Variants in STAU1 observed in about 807,000 individuals in gnomAD.
The protein encoded by STAU1 is double-stranded RNA-binding protein Staufen homolog 1.
Under a neutral mutation model 62.9 loss-of-function variants are expected in STAU1, and 13 were observed. That is an observed-to-expected ratio of 0.21 (90% confidence interval 0.13 to 0.33). STAU1 has a LOEUF of 0.33. STAU1 is among the 10% of genes least tolerant of loss of function. The probability of loss-of-function intolerance (pLI) is 1.00; values close to 1 mark genes in which losing one functional copy is unlikely to be tolerated. For missense variants in STAU1, 571 were observed against 712.1 expected, an observed-to-expected ratio of 0.80 and a Z score of 2.25; for synonymous variants, 269 against 265.1, an observed-to-expected ratio of 1.01 and a Z score of -0.14.
At chr20:49,171,504 G>T (rs1050254714) in intron 2 of STAU1, among the ~76,000 whole-genome samples, 4 of 152,000 alleles carry the variant, frequency 2.6e-5, no homozygotes, top group African/African-American at 9.7e-5. Context: ...TTTCACCGTG[G>T]TCTCTATCTC....
intron 3 of STAU1, among the ~76,000 whole-genome samples, chr20:49,159,946 G>A (rs2093423539): frequency 6.6e-6 from 1 of 152,188 alleles, no homozygotes; most frequent in African/African-American, 2.4e-5. Flanking sequence ...TTTTGTGTGA[G>A]TGGTAAATAC....
chr20:49,158,061 C>T (rs1419565261), intron 3 of STAU1, among the ~76,000 whole-genome samples: 1 of 151,820 alleles, frequency 6.6e-6, no homozygotes, highest in Non-Finnish European at 1.5e-5. Flanking sequence ...GCGGGCAGAT[C>T]ACCTGAGGTC....
chr20:49,129,789 G>T (rs1311813644), intron 6 of STAU1, among the ~76,000 whole-genome samples: 2 of 151,518 alleles, frequency 1.3e-5, no homozygotes, highest in Admixed American at 1.3e-4. Flanking sequence ...CACATGCCTG[G>T]CTAATTTTTT....
chr20:49,141,126 A>G (rs2146104756), intron 5 of STAU1, among the ~76,000 whole-genome samples: 1 of 152,310 alleles, frequency 6.6e-6, no homozygotes, highest in South Asian at 2.1e-4. Flanking sequence ...CCCAATTTTC[A>G]ATGTTTTGTT....
intron 5 of STAU1, among the ~76,000 whole-genome samples, chr20:49,136,634 T>C (rs1049530432): frequency 3.3e-5 from 5 of 152,132 alleles, no homozygotes; most frequent in East Asian, 1.9e-4. Context: ...ATGTGGGACG[T>C]GGCAAATTCA....
At chr20:49,185,570 TAA>T (rs1426857392) in intron 1 of STAU1, among the ~76,000 whole-genome samples, 1 of 152,176 alleles carries the variant, frequency 6.6e-6, no homozygotes, top group African/African-American at 2.4e-5. Flanking sequence ...GGCAATCTGG[TAA>T]AAGTCAAAAT....
At chr20:49,122,313 G>A (rs1263750534) in intron 8 of STAU1, among the ~76,000 whole-genome samples, 2 of 152,130 alleles carry the variant, frequency 1.3e-5, no homozygotes, top group East Asian at 3.9e-4. Context: ...GAATTAGGAG[G>A]AAGAGGAACA....
At chr20:49,158,602 GA>G (rs1311597983) in intron 3 of STAU1, 1 of 941,672 alleles carries the variant, frequency 1.1e-6, no homozygotes, top group Non-Finnish European at 1.5e-6. Context: ...TTGAGGTCAG[GA>G]GTTCGAGACC....
chr20:49,124,575 T>C lies in STAU1; in HGVS notation c.622A>G (p.Ser208Gly). The change falls in exon 7 of 14, where the codon AGT becomes GGT. Residue 208 changes from serine to glycine, a missense_variant. This residue lies in a region of STAU1 where 414 missense variants were observed against 499.6 expected (regional missense o/e 0.83). Transcript: ENST00000371856. The stretch of plus-strand genomic sequence containing the variant: ...AAGTTCTTCATGTGGGGTGGGCCAC[T>C]CTCCCGGGCCACCTGTTTCAGAGGG... Reference protein sequence around the residue: ...LPVNFEVARESGPPHMKNFVT... With the variant: ...LPVNFEVAREGGPPHMKNFVT... 6.2e-7 allele frequency: 1 copy of C among 1,613,708 alleles called. No individual in the cohort carries two copies. The highest frequency in any genetic ancestry group is 8.5e-7 in the Non-Finnish European group (1 of 1,179,996).
chr20:49,195,557 AAAAAGAT>A, the STAU1 span, among the ~76,000 whole-genome samples: 259 of 140,892 alleles, frequency 1.8e-3, 19 homozygotes, highest in African/African-American at 6.3e-3. Flanking sequence ...AAAAAAAAAA[AAAAAGAT>A]AGCAACAGAC....
At chr20:49,160,282 T>A (rs944206366) in intron 3 of STAU1, among the ~76,000 whole-genome samples, 9 of 152,260 alleles carry the variant, frequency 5.9e-5, no homozygotes, top group African/African-American at 2.2e-4. Flanking sequence ...TGCCTTATGT[T>A]ACTTTCAGTC....
the STAU1 span, among the ~76,000 whole-genome samples, chr20:49,200,775 C>T: frequency 6.6e-6 from 1 of 151,630 alleles, no homozygotes; most frequent in African/African-American, 2.4e-5. Flanking sequence ...TACATCAGGC[C>T]CAGTGCAGTG....
At chr20:49,168,599 G>A (rs1279676673) in intron 2 of STAU1, among the ~76,000 whole-genome samples, 3 of 151,730 alleles carry the variant, frequency 2.0e-5, no homozygotes, top group Non-Finnish European at 4.4e-5. Context: ...TGATAAATAT[G>A]AAAATGCAAC....
At chr20:49,126,599 C>CAAAACAAAAAAAAAAAAAAAAAAAAAAA (rs2092629715) in intron 6 of STAU1, among the ~76,000 whole-genome samples, 1 of 57,284 alleles carries the variant, frequency 1.7e-5, no homozygotes, top group African/African-American at 5.7e-5. Flanking sequence ...AAAAAAAAAA[C>CAAAACAAAAAAAAAAAAAAAAAAAAAAA]AAAAAAACTT....
chr20:49,175,978 T>C (rs1472894620), intron 1 of STAU1, among the ~76,000 whole-genome samples: 7 of 151,432 alleles, frequency 4.6e-5, no homozygotes, highest in African/African-American at 1.7e-4. Context: ...GTATTTTTAG[T>C]AGAGACGGGG....
At chr20:49,125,307 T>C (rs2092582646) in intron 6 of STAU1, among the ~76,000 whole-genome samples, 1 of 142,914 alleles carries the variant, frequency 7.0e-6, no homozygotes, top group South Asian at 2.2e-4. Context: ...AGCGGGTGGA[T>C]CACTTGAGGT....
At position 49,124,471 on chromosome 20, in the gene STAU1, G is replaced by C. The variant is rs762866184; in HGVS notation, c.726C>G (p.Ala242=). 73 of 1,614,032 alleles carry C rather than the reference G, an allele frequency of 4.5e-5. No homozygotes were observed. Among genetic ancestry groups the C allele is most frequent in the Admixed American group, 8.3e-5 (5 of 60,004 alleles). Residue 242 remains alanine, a synonymous_variant, in exon 7 of 14, where the codon GCC becomes GCG. Coordinates refer to ENST00000371856, the MANE Select transcript of STAU1 (RefSeq NM_017453.4). ...TCTTCAGCTCCTCAAGAACAGCTATGGCGGCATTTTTCTTTGAAATCTTCT... is the reference window on the plus strand; with the variant it reads ...TCTTCAGCTCCTCAAGAACAGCTATCGCGGCATTTTTCTTTGAAATCTTCT... ...KSKKISKKNA[A]IAVLEELKKL...
At chr20:49,210,428 A>G in the STAU1 span, 2 of 456,004 alleles carry the variant, frequency 4.4e-6, no homozygotes, top group Admixed American at 2.4e-5. Context: ...TACTTTACAC[A>G]TGTATGAGAA....
intron 4 of STAU1, among the ~76,000 whole-genome samples, chr20:49,152,255 A>G (rs546049640): frequency 6.6e-6 from 1 of 151,560 alleles, no homozygotes; most frequent in South Asian, 2.1e-4. Flanking sequence ...TCCATTTCAT[A>G]GCTTATATTT....
Sources: allele counts gnomAD v4.1 joint callset (sites outside exome capture counted in the v4.1 genomes callset), GRCh38; gene constraint gnomAD v4.1.1; regional missense constraint gnomAD v4.1.1; transcripts MANE v1.5; gene names NCBI Gene and HGNC (gene_info 2026-07-23, HGNC 2026-07-21).